The following TEX26 variants were observed in gnomAD, a reference collection of about 807,000 sequenced individuals.
The protein encoded by TEX26 is testis-expressed protein 26.
A neutral mutation model predicts 35.3 loss-of-function variants in TEX26; 34 were observed. The ratio of observed to expected loss-of-function variants is 0.96; its 90% CI spans 0.73 to 1.28. The LOEUF is 1.28. Ranked by LOEUF, TEX26 falls within the 50% of genes most tolerant of loss-of-function variation. The pLI, the probability that TEX26 is intolerant of heterozygous loss-of-function variation, is 0.00. For missense variants in TEX26, 371 were observed against 330.1 expected (o/e 1.12, Z -0.96); for synonymous variants, 136 against 111.8 (o/e 1.22, Z -1.36).
chr13:30,952,966 T>C (rs1257910477), intron 3 of TEX26, 141 bp downstream of exon 3: 2 of 730,742 alleles, frequency 2.7e-6, no homozygotes, highest in Non-Finnish European at 4.3e-6. Context: ...CTATTTCCTG[T>C]CTACCTTCTC....
At chr13:30,974,131 A>AAAAAAAAATATATAT in intron 6 of TEX26, among the ~76,000 whole-genome samples, 1 of 84,430 alleles carries the variant, frequency 1.2e-5, no homozygotes, top group African/African-American at 4.8e-5. Context: ...AAAAAAAAAA[A>AAAAAAAAATATATAT]ATATATATAT....
intron 1 of TEX26, among the ~76,000 whole-genome samples, chr13:30,938,461 C>G (rs1277110073): frequency 1.3e-5 from 2 of 152,084 alleles, no homozygotes; most frequent in Non-Finnish European, 2.9e-5. Context: ...TGCATTGTAA[C>G]ATGGTGGAGG....
intron 4 of TEX26, among the ~76,000 whole-genome samples, chr13:30,963,036 G>A (rs1954405070): frequency 6.6e-6 from 1 of 151,492 alleles, no homozygotes; most frequent in Admixed American, 6.6e-5. Context: ...CTCAGTGTTA[G>A]CCAGGATGGT....
chr13:30,936,715 G>A (rs919843766), intron 1 of TEX26: 2 of 985,300 alleles, frequency 2.0e-6, no homozygotes, highest in Admixed American at 1.2e-4. Context: ...GGGTCCACGG[G>A]AGGGCTTGGG....
intron 3 of TEX26, among the ~76,000 whole-genome samples, chr13:30,955,112 GGAA>G (rs5802590): frequency 6.6e-6 from 1 of 151,934 alleles, no homozygotes; most frequent in South Asian, 2.1e-4. Flanking sequence ...GGGCCACAGT[GGAA>G]GAAGAATTGC....
At position 30,937,294 on chromosome 13, in the gene TEX26, C is replaced by T. The variant is rs570968766; in HGVS notation, c.62-2400C>T. 7.2e-5 allele frequency among the ~76,000 whole-genome samples: 11 copies of T among 152,268 alleles called. No individual in the cohort carries two copies. The East Asian group carries it at 7.7e-4, about 11-fold the overall frequency. ...TGGGCGGGAACACAGAGGGGCGTGT[C>T]GTGCTTGCCCACATGATTGATTGGG... On this transcript the variant is annotated intron_variant, in intron 1 of 6. Coordinates refer to ENST00000380473, the MANE Select transcript of TEX26 (RefSeq NM_152325.3).
At chr13:30,939,088 C>T (rs1336587412) in intron 1 of TEX26, among the ~76,000 whole-genome samples, 1 of 152,220 alleles carries the variant, frequency 6.6e-6, no homozygotes. Flanking sequence ...CGTATGAGCC[C>T]ACTTTTGTGA....
intron 2 of TEX26, among the ~76,000 whole-genome samples, chr13:30,945,250 A>AG (rs1327349657): frequency 6.6e-6 from 1 of 151,792 alleles, no homozygotes; most frequent in Non-Finnish European, 1.5e-5. Context: ...GTTTTATCTG[A>AG]TATAAGAATA....
intron 1 of TEX26, among the ~76,000 whole-genome samples, chr13:30,935,700 GCCT>G (rs912378297): frequency 3.9e-5 from 6 of 152,192 alleles, no homozygotes; most frequent in Non-Finnish European, 7.3e-5. Flanking sequence ...GCTGCCTAGG[GCCT>G]CCTCTCTACT....
chr13:30,936,443 T>A (rs1953274941), intron 1 of TEX26, among the ~76,000 whole-genome samples: 1 of 152,228 alleles, frequency 6.6e-6, no homozygotes, highest in African/African-American at 2.4e-5. Flanking sequence ...TTTTACTTCA[T>A]GTCCTGTGCT....
intron 2 of TEX26, among the ~76,000 whole-genome samples, chr13:30,952,225 C>T (rs1953954532): frequency 6.6e-6 from 1 of 151,844 alleles, no homozygotes; most frequent in Non-Finnish European, 1.5e-5. Context: ...TGTGAGTGGA[C>T]ATTGCTGGCC....
Position 30,975,432 on chromosome 13 carries a change from A to G in TEX26, c.*525A>G, listed in dbSNP as rs1954846784. 1 of 152,162 alleles carries G rather than the reference A, an allele frequency of 6.6e-6. No individual in the cohort carries two copies. Among genetic ancestry groups the G allele is most frequent in the African/African-American group, 2.4e-5 (1 of 41,450 alleles). The allele number at this position is 152,162 out of a possible 1,614,324, so 9.4% of individuals were successfully genotyped here. A position where few individuals can be genotyped will look rare whatever the true frequency, so the allele number is the denominator to read the frequency against. On this transcript the variant is annotated 3_prime_UTR_variant, in exon 7 of 7. Transcript: ENST00000380473. ...TATTTTTTAATCCCTTATATCTTTA[A>G]TTGTATACTTGAATTGTTCAATTCT...
chr13:30,969,193 T>C, intron 6 of TEX26, 147 bp downstream of exon 6: 2 of 728,748 alleles, frequency 2.7e-6, no homozygotes, highest in Non-Finnish European at 4.3e-6. Context: ...CATAGTGTTG[T>C]GCAAACCTCA....
chr13:30,939,869 T>C, intron 2 of TEX26, 91 bp downstream of exon 2: 1 of 1,186,224 alleles, frequency 8.4e-7, no homozygotes, highest in Non-Finnish European at 1.2e-6. Context: ...AGACAGTAAT[T>C]AGAGAAGCTT....
Position 30,952,644 on chromosome 13 carries a change from C to T in TEX26, c.147-16C>T. On this transcript the variant is annotated splice_polypyrimidine_tract_variant and intron_variant, in intron 2 of 6. Transcript: ENST00000380473. ...ATTTAACCTCTAACTCTAATTTCTG[C>T]TGGGTTTTTTTATAGCCAAAACGGT... 9 of 1,557,750 alleles carry T rather than the reference C, an allele frequency of 5.8e-6. No homozygotes were observed. Among genetic ancestry groups the T allele is most frequent in the Non-Finnish European group, 7.8e-6 (9 of 1,157,972 alleles).
At chr13:30,962,140 C>G (rs919638280) in intron 4 of TEX26, among the ~76,000 whole-genome samples, 4 of 152,164 alleles carry the variant, frequency 2.6e-5, no homozygotes, top group Non-Finnish European at 5.9e-5. Context: ...TGAGCTTTTC[C>G]AGTTTTGTGT....
chr13:30,969,171 A>AAG (rs2138342886), intron 6 of TEX26, 125 bp downstream of exon 6: 1 of 899,534 alleles, frequency 1.1e-6, no homozygotes, highest in African/African-American at 1.7e-5. Context: ...TGCCTCAAAA[A>AAG]AAAAAAAAAC....
intron 5 of TEX26, among the ~76,000 whole-genome samples, chr13:30,968,622 A>G (rs1313742107): frequency 1.3e-5 from 2 of 152,168 alleles, no homozygotes; most frequent in East Asian, 1.9e-4. Context: ...TCTGAAAGTG[A>G]TGGTCAAACT....
At chr13:30,938,358 A>C (rs1211952880) in intron 1 of TEX26, among the ~76,000 whole-genome samples, 1 of 152,166 alleles carries the variant, frequency 6.6e-6, no homozygotes, top group Non-Finnish European at 1.5e-5. Context: ...ATACTGGGTA[A>C]TTTATAAGGA....
Sources: allele counts gnomAD v4.1 joint callset (sites outside exome capture counted in the v4.1 genomes callset), GRCh38; gene constraint gnomAD v4.1.1; transcripts MANE v1.5; gene names NCBI Gene and HGNC (gene_info 2026-07-23, HGNC 2026-07-21).